Variants in NRP1 observed in about 807,000 individuals in gnomAD.
NRP1 encodes the protein neuropilin-1.
Under a neutral mutation model 106.7 loss-of-function variants are expected in NRP1, and 35 were observed. The observed-to-expected ratio is 0.33, with a 90% CI of 0.25 to 0.43. NRP1 has a LOEUF of 0.43. Ranked by LOEUF, NRP1 falls within the 20% of genes least tolerant of loss-of-function variation. The pLI is 1.00. For missense variants in NRP1, 1,024 were observed against 1,170.4 expected, an observed-to-expected ratio of 0.87 and a Z score of 1.83; for synonymous variants, 437 against 417.9, an observed-to-expected ratio of 1.05 and a Z score of -0.56.
intron 6 of NRP1, among the ~76,000 whole-genome samples, chr10:33,233,293 A>G (rs773257455): frequency 6.6e-6 from 1 of 152,136 alleles, no homozygotes; most frequent in Non-Finnish European, 1.5e-5. Context: ...CATGCTCCCA[A>G]CTTACTCTTT....
chr10:33,196,920 C>T (rs1836826779), intron 12 of NRP1, among the ~76,000 whole-genome samples: 1 of 152,140 alleles, frequency 6.6e-6, no homozygotes. Flanking sequence ...TCACCTTAGT[C>T]TAATGATTAA....
intron 13 of NRP1, among the ~76,000 whole-genome samples, chr10:33,188,961 C>G (rs1267687091): frequency 7.2e-6 from 1 of 138,720 alleles, no homozygotes; most frequent in African/African-American, 2.9e-5. Flanking sequence ...CGTGTTGCTC[C>G]TCTGCTTAGA....
At chr10:33,224,794 C>G (rs1019173104) in intron 7 of NRP1, among the ~76,000 whole-genome samples, 3 of 152,036 alleles carry the variant, frequency 2.0e-5, no homozygotes, top group Non-Finnish European at 4.4e-5. Flanking sequence ...CATTCAGCTC[C>G]CAGTTATAAG....
rs371729403 is a variant in NRP1 at position 33,192,421 on chromosome 10, T to C, written c.1925-3A>G. On this transcript the variant is annotated splice_region_variant and splice_polypyrimidine_tract_variant and intron_variant, in intron 12 of 16. Transcript: ENST00000374867. Reference sequence around the variant, plus strand: ...GTTAAAACCATATGTTGGAAACTCTTCAGTGGGTGGGAAGTAAAAATAAGA... The same window carrying C: ...GTTAAAACCATATGTTGGAAACTCTCCAGTGGGTGGGAAGTAAAAATAAGA... 1 of 1,612,954 alleles carries C rather than the reference T, an allele frequency of 6.2e-7. No homozygotes were observed. The highest frequency in any genetic ancestry group is 8.5e-7 in the Non-Finnish European group (1 of 1,179,646).
At chr10:33,222,492 CGTCAAGATTTAT>C (rs1235346776) in intron 7 of NRP1, among the ~76,000 whole-genome samples, 4 of 143,342 alleles carry the variant, frequency 2.8e-5, no homozygotes, top group Non-Finnish European at 4.7e-5. Flanking sequence ...AGGGCTTGTG[CGTCAAGATTTAT>C]TTATTTATTT....
chr10:33,289,923 T>C (rs952187173), intron 2 of NRP1, among the ~76,000 whole-genome samples: 4 of 152,218 alleles, frequency 2.6e-5, no homozygotes, highest in African/African-American at 9.6e-5. Context: ...GACTACTTGT[T>C]CCTTCATTTG....
At chr10:33,283,941 C>T (rs1411674923) in intron 2 of NRP1, among the ~76,000 whole-genome samples, 2 of 152,208 alleles carry the variant, frequency 1.3e-5, no homozygotes, top group East Asian at 3.9e-4. Context: ...AACCCCCATC[C>T]TACCATCTAA....
At chr10:33,186,633 C>G (rs745670663) in intron 13 of NRP1, 145 bp from the exon 14 acceptor site, 3 of 918,996 alleles carry the variant, frequency 3.3e-6, no homozygotes, top group Non-Finnish European at 4.8e-6. Flanking sequence ...AGTGTGCACA[C>G]TTGGGGACCT....
intron 6 of NRP1, among the ~76,000 whole-genome samples, chr10:33,248,977 G>T (rs1179240871): frequency 1.3e-5 from 2 of 151,678 alleles, no homozygotes; most frequent in African/African-American, 4.8e-5. Flanking sequence ...GAGTTGGTTT[G>T]TCAAGTAATT....
intron 3 of NRP1, among the ~76,000 whole-genome samples, chr10:33,266,227 T>C (rs114885306): frequency 1.9e-3 from 286 of 152,344 alleles, no homozygotes; most frequent in African/African-American, 6.6e-3. Context: ...TTTGGTGCTT[T>C]CACTTTGCCC....
At chr10:33,219,365 T>C (rs1444909665) in intron 8 of NRP1, among the ~76,000 whole-genome samples, 1 of 152,240 alleles carries the variant, frequency 6.6e-6, no homozygotes, top group Admixed American at 6.5e-5. Flanking sequence ...GCCTGCCTTC[T>C]GTCCATGTGA....
chr10:33,317,385 G>A (rs2132845188), intron 2 of NRP1, among the ~76,000 whole-genome samples: 1 of 152,352 alleles, frequency 6.6e-6, no homozygotes, highest in South Asian at 2.1e-4. Flanking sequence ...AGAAATGCAG[G>A]AAGGAGATGG....
chr10:33,240,942 C>G (rs1434805610), intron 6 of NRP1, among the ~76,000 whole-genome samples: 1 of 152,178 alleles, frequency 6.6e-6, no homozygotes, highest in East Asian at 1.9e-4. Context: ...ATTTGGTCAA[C>G]TGCATTTCCC....
intron 7 of NRP1, among the ~76,000 whole-genome samples, chr10:33,223,261 G>A (rs557239326): frequency 4.3e-4 from 66 of 152,266 alleles, no homozygotes; most frequent in African/African-American, 1.3e-3. Context: ...TGTGAAAGTC[G>A]GGCTTGTGTT....
chr10:33,186,341 C>A lies in NRP1; in HGVS notation c.2210G>T (p.Arg737Met). The A allele has an allele frequency of 1.2e-6, 2 of 1,614,146 alleles. No individual in the cohort carries two copies. The highest frequency in any genetic ancestry group is 1.7e-6 in the Non-Finnish European group (2 of 1,180,026). The change falls in exon 14 of 17, where the codon AGG (arginine) becomes ATG (methionine). Residue 737 changes from arginine (R) to methionine (M), a missense_variant. By Grantham distance (91) the Arg-to-Met change is moderately conservative. Coordinates refer to ENST00000374867, the MANE Select transcript of NRP1 (RefSeq NM_003873.7). ...TGGCTTCTGGTAGCGCAGTTTGACC[C>A]TGAGTGTGCCGACGTGGGACCCAGA... ...HMSGSHVGTL[R>M]VKLRYQKPEE...
At chr10:33,228,692 T>C (rs1839874001) in intron 6 of NRP1, among the ~76,000 whole-genome samples, 2 of 152,182 alleles carry the variant, frequency 1.3e-5, no homozygotes, top group South Asian at 2.1e-4. Flanking sequence ...AAAGCAGTAG[T>C]GGTAGATTTC....
chr10:33,180,385 T>C lies in NRP1; in HGVS notation c.2483-20A>G, dbSNP rs752770757. The stretch of plus-strand genomic sequence containing the variant: ...TGCTCCCTATGGAAAAAAACAATAT[T>C]GTCTCCGTGAGCACCGCCAACAGAC... On this transcript the variant is annotated intron_variant, in intron 16 of 16. Coordinates refer to ENST00000374867, the MANE Select transcript of NRP1 (RefSeq NM_003873.7). 1 of 1,557,296 alleles carries C rather than the reference T, an allele frequency of 6.4e-7. No individual in the cohort carries two copies.
At chr10:33,325,889 G>C (rs1462112955) in intron 2 of NRP1, among the ~76,000 whole-genome samples, 2 of 152,306 alleles carry the variant, frequency 1.3e-5, no homozygotes, top group Middle Eastern at 3.4e-3. Context: ...GCCATGATAT[G>C]AAACAGCACT....
intron 2 of NRP1, among the ~76,000 whole-genome samples, chr10:33,312,865 A>G (rs936302474): frequency 2.6e-5 from 4 of 152,176 alleles, no homozygotes; most frequent in African/African-American, 9.6e-5. Context: ...TTGAATAAAA[A>G]GATCAGGTAA....
Sources: allele counts gnomAD v4.1 joint callset (sites outside exome capture counted in the v4.1 genomes callset), GRCh38; gene constraint gnomAD v4.1.1; transcripts MANE v1.5; gene names NCBI Gene and HGNC (gene_info 2026-07-23, HGNC 2026-07-21).